Variants in SCYGR2 observed in about 807,000 individuals in gnomAD.
SCYGR2 encodes small cysteine and glycine repeat containing 2.
rs1415157962 is a variant in SCYGR2 at position 227,598,938 on chromosome 2, T to TGTGGTGGCTGCGGTGGTGGCTGCG, written c.68_69insCGGTGGTGGCTGCGGTGGTGGCTG (p.Gly46_Gly53dup). The TGTGGTGGCTGCGGTGGTGGCTGCG allele has an allele frequency of 7.1e-4, 261 of 368,254 alleles. 10 individuals are homozygous for TGTGGTGGCTGCGGTGGTGGCTGCG. The highest frequency in any genetic ancestry group is 1.9e-3 in the South Asian group (18 of 9,626). The allele number at this position is 368,254 out of a possible 1,614,324, so 22.8% of individuals were successfully genotyped here. The stretch of plus-strand genomic sequence containing the variant: ...AGGTTGTGGTGGCTGCGGTGGCCGC[T>TGTGGTGGCTGCGGTGGTGGCTGCG]GTGGTGGCTGCGGTGGTGGCTGTGG... On this transcript the variant is annotated inframe_insertion, in exon 1 of 1. Transcript: ENST00000641394.
chr2:227,598,961 T>TGGTGGCTGC (rs1559217407), exon 1 of SCYGR2: 10,736 of 257,886 alleles, frequency 0.042, 223 homozygotes, highest in Non-Finnish European at 0.059. Flanking sequence ...GTGGTGGCTG[T>TGGTGGCTGC]GGTGGTGGCT....
chr2:227,599,169 C>T (rs953003519), exon 1 of SCYGR2: 66 of 399,246 alleles, frequency 1.7e-4, no homozygotes, highest in African/African-American at 1.1e-3. Context: ...CTGTTGCTGC[C>T]GCCGCACCTG....
At chr2:227,598,985 C>CTGT (rs1693637238) in exon 1 of SCYGR2, 6 of 363,874 alleles carry the variant, frequency 1.6e-5, no homozygotes, top group Non-Finnish European at 2.7e-5. Context: ...GTGGTGGCTG[C>CTGT]GGTGGTGGCT....
chr2:227,599,107 G>T (rs1693640590), exon 1 of SCYGR2: 1 of 402,528 alleles, frequency 2.5e-6, no homozygotes, highest in African/African-American at 2.1e-5. Context: ...TGCTCCAGCT[G>T]CTGCCCCTGC....
chr2:227,599,109 T>C, exon 1 of SCYGR2: 1 of 402,556 alleles, frequency 2.5e-6, no homozygotes, highest in Admixed American at 4.4e-5. Context: ...CTCCAGCTGC[T>C]GCCCCTGCTG....
exon 1 of SCYGR2, chr2:227,598,914 G>A (rs953231233): frequency 7.1e-6 from 3 of 422,058 alleles, no homozygotes; most frequent in Non-Finnish European, 1.2e-5. Flanking sequence ...TGGTTGTGGA[G>A]GTTGTGGTGG....
exon 1 of SCYGR2, chr2:227,599,052 A>G (rs79033353): frequency 0.014 from 4,313 of 298,788 alleles, 55 homozygotes; most frequent in African/African-American, 0.044. Context: ...CTGTGGTGGT[A>G]GCTGTGGCAG....
chr2:227,598,959 TGTGGTGGTG>T (rs60935296), exon 1 of SCYGR2: 23,364 of 297,116 alleles, frequency 0.079, 980 homozygotes, highest in Admixed American at 0.12. Context: ...CGGTGGTGGC[TGTGGTGGTG>T]GCTGTGGTGG....
exon 1 of SCYGR2, chr2:227,598,905 G>A (rs1693634754): frequency 4.8e-6 from 2 of 418,144 alleles, no homozygotes; most frequent in East Asian, 7.0e-5. Flanking sequence ...GGGTTGCTGT[G>A]GTTGTGGAGG....
chr2:227,598,997 T>TGGTGGTGGCTGC (rs1559217441), exon 1 of SCYGR2: 32 of 295,292 alleles, frequency 1.1e-4, no homozygotes, highest in Non-Finnish European at 1.6e-4. Flanking sequence ...GTGGTGGCTG[T>TGGTGGTGGCTGC]GGTGGTGGCT....
At chr2:227,599,045 T>TGGTGGCTGCGGTGGTGGCTGC (rs1559217488) in exon 1 of SCYGR2, 166 of 265,440 alleles carry the variant, frequency 6.3e-4, no homozygotes, top group African/African-American at 5.2e-3. Flanking sequence ...GTGGTGGCTG[T>TGGTGGCTGCGGTGGTGGCTGC]GGTGGTAGCT....
exon 1 of SCYGR2, chr2:227,599,010 G>A (rs1169965047): frequency 4.9e-6 from 2 of 409,738 alleles, no homozygotes; most frequent in Non-Finnish European, 4.2e-6. Flanking sequence ...TGGTGGCTGT[G>A]GTGGTGGCTG....
At chr2:227,599,213 T>C in exon 1 of SCYGR2, 1 of 399,728 alleles carries the variant, frequency 2.5e-6, no homozygotes, top group East Asian at 3.6e-5. Context: ...GGAAGGGCTG[T>C]TGCCAGCAGA....
chr2:227,598,947 TGCG>T (rs1396490967), exon 1 of SCYGR2: 48 of 288,462 alleles, frequency 1.7e-4, no homozygotes, highest in African/African-American at 3.1e-4. Context: ...CTGTGGTGGC[TGCG>T]GTGGTGGCTG....
chr2:227,599,166 T>C (rs1046159219), exon 1 of SCYGR2: 7 of 399,412 alleles, frequency 1.8e-5, no homozygotes, highest in Non-Finnish European at 3.1e-5. Flanking sequence ...GATCTGTTGC[T>C]GCCGCCGCAC....
chr2:227,598,907 T>C (rs1400235666), exon 1 of SCYGR2: 2 of 418,518 alleles, frequency 4.8e-6, no homozygotes, highest in Non-Finnish European at 8.3e-6. Context: ...GTTGCTGTGG[T>C]TGTGGAGGTT....
exon 1 of SCYGR2, chr2:227,598,916 TTGTGGTGGCTGCGGTGGCCGC>T (rs1693634869): frequency 2.1e-5 from 9 of 420,410 alleles, no homozygotes; most frequent in Admixed American, 4.3e-5. Flanking sequence ...GTTGTGGAGG[TTGTGGTGGCTGCGGTGGCCGC>T]TGTGGTGGCT....
chr2:227,599,052 A>C, exon 1 of SCYGR2: 1 of 298,986 alleles, frequency 3.3e-6, no homozygotes, highest in African/African-American at 3.3e-5. Flanking sequence ...CTGTGGTGGT[A>C]GCTGTGGCAG....
Position 227,599,021 on chromosome 2 carries a change from C to A in SCYGR2, c.129C>A (p.Cys43Ter), listed in dbSNP as rs111889753. 1.2e-5 allele frequency: 2 copies of A among 163,382 alleles called. No individual in the cohort carries two copies. The highest frequency in any genetic ancestry group is 8.4e-5 in the East Asian group (1 of 11,874). The allele number at this position is 163,382 out of a possible 1,614,324, so 10.1% of individuals were successfully genotyped here. ...GTGGTGGTGGCTGTGGTGGTGGCTG[C>A]GGTGGTGGCTGCGGTGGTGGCTGTG... Residue 43 changes from cysteine (C) to a stop codon, truncating the protein, a stop_gained, in exon 1 of 1, where the codon TGC (cysteine) becomes TGA (stop). Transcript: ENST00000641394. LOFTEE classifies it low-confidence loss of function (END_TRUNC).
Sources: gnomAD v4.1 joint callset for allele counts on GRCh38, gnomAD v4.1.1 for gene constraint, MANE v1.5 for transcripts, NCBI Gene and HGNC (gene_info 2026-07-23, HGNC 2026-07-21) for gene names.